The following OPCML variants were observed in gnomAD, a reference collection of about 807,000 sequenced individuals.
OPCML encodes opioid binding protein/cell adhesion molecule like.
A neutral mutation model predicts 37.8 loss-of-function variants in OPCML; 13 were observed. That is an observed-to-expected ratio of 0.34 (90% CI 0.22 to 0.55). OPCML has a LOEUF of 0.55. Among genes scored for constraint, OPCML ranks in the 20% least tolerant of loss-of-function variants. OPCML has a pLI of 0.91. For missense variants in OPCML, 341 were observed against 435.6 expected, an observed-to-expected ratio of 0.78 and a Z score of 1.93; for synonymous variants, 176 against 168.8, an observed-to-expected ratio of 1.04 and a Z score of -0.33.
At chr11:132,651,123 C>T (rs1407312513) in intron 3 of OPCML, among the ~76,000 whole-genome samples, 1 of 152,172 alleles carries the variant, frequency 6.6e-6, no homozygotes, top group Non-Finnish European at 1.5e-5. Flanking sequence ...AGGGCCCACC[C>T]TTTTCTGGAG....
chr11:132,882,328 C>T (rs1943250795), intron 2 of OPCML, among the ~76,000 whole-genome samples: 1 of 152,196 alleles, frequency 6.6e-6, no homozygotes. Context: ...AGTACATCAT[C>T]TTTCTGCAAC....
chr11:132,651,248 C>T (rs1941413741), intron 3 of OPCML, among the ~76,000 whole-genome samples: 3 of 152,162 alleles, frequency 2.0e-5, no homozygotes, highest in Admixed American at 6.5e-5. Context: ...TATACCCGGT[C>T]TTGGGTGTTG....
chr11:132,854,182 G>A (rs899694691), intron 2 of OPCML, among the ~76,000 whole-genome samples: 1 of 152,136 alleles, frequency 6.6e-6, no homozygotes, highest in Non-Finnish European at 1.5e-5. Context: ...TTAATACAGG[G>A]ATTTTTTTAA....
intron 1 of OPCML, among the ~76,000 whole-genome samples, chr11:133,155,893 C>A (rs1950055495): frequency 6.6e-6 from 1 of 152,130 alleles, no homozygotes; most frequent in African/African-American, 2.4e-5. Context: ...CATATCCAAA[C>A]TATTAAAAGA....
chr11:132,569,081 G>C (rs1211854202), intron 3 of OPCML, among the ~76,000 whole-genome samples: 1 of 152,212 alleles, frequency 6.6e-6, no homozygotes, highest in African/African-American at 2.4e-5. Context: ...TTCGGCACTC[G>C]CCTGCGGTCG....
chr11:132,898,849 C>G (rs567150594), intron 2 of OPCML, among the ~76,000 whole-genome samples: 15 of 151,752 alleles, frequency 9.9e-5, no homozygotes, highest in Non-Finnish European at 1.8e-4. Context: ...CCCCCCCCAC[C>G]CCCGCAGCCA....
chr11:132,829,690 T>C (rs1940573681), intron 2 of OPCML, among the ~76,000 whole-genome samples: 1 of 152,228 alleles, frequency 6.6e-6, no homozygotes. Context: ...CTGCTTTTAC[T>C]GAGCATATTG....
chr11:132,783,089 G>A (rs1408176780), intron 2 of OPCML, among the ~76,000 whole-genome samples: 2 of 151,866 alleles, frequency 1.3e-5, no homozygotes, highest in Non-Finnish European at 2.9e-5. Context: ...ACCTCTTTGG[G>A]TGAACCTACT....
intron 1 of OPCML, among the ~76,000 whole-genome samples, chr11:133,133,776 G>T (rs1339935073): frequency 6.6e-6 from 1 of 152,066 alleles, no homozygotes; most frequent in African/African-American, 2.4e-5. Flanking sequence ...CCATCCACGA[G>T]TTGCCTGTGC....
chr11:132,698,639 C>T (rs1415327878), intron 2 of OPCML, among the ~76,000 whole-genome samples: 3 of 152,108 alleles, frequency 2.0e-5, no homozygotes, highest in Non-Finnish European at 4.4e-5. Context: ...TAGTTTGATG[C>T]AATTCCATTT....
At chr11:133,095,780 AC>A (rs937014266) in intron 1 of OPCML, among the ~76,000 whole-genome samples, 13 of 151,688 alleles carry the variant, frequency 8.6e-5, no homozygotes, top group South Asian at 4.2e-4. Flanking sequence ...CTTCTCAGAA[AC>A]CATGTAAGTA....
At chr11:133,423,162 T>C (rs1481888351) in intron 1 of OPCML, 1 of 985,292 alleles carries the variant, frequency 1.0e-6, no homozygotes, top group East Asian at 1.1e-4. Context: ...GAATTTATCT[T>C]TACATCTTGA....
chr11:133,428,686 G>A (rs1388844269), intron 1 of OPCML, among the ~76,000 whole-genome samples: 1 of 152,014 alleles, frequency 6.6e-6, no homozygotes, highest in African/African-American at 2.4e-5. Context: ...AAAAGAAAAT[G>A]AGCTTCAATA....
chr11:132,674,745 A>G (rs963452605), intron 2 of OPCML, among the ~76,000 whole-genome samples: 7 of 152,298 alleles, frequency 4.6e-5, no homozygotes, highest in South Asian at 2.1e-4. Context: ...TTAAACCAAC[A>G]CAGAGCTCAC....
intron 1 of OPCML, among the ~76,000 whole-genome samples, chr11:133,308,510 T>C (rs116747231): frequency 0.015 from 2,301 of 152,154 alleles, 64 homozygotes; most frequent in African/African-American, 0.052. Flanking sequence ...TATGGACTCA[T>C]GGGATTTAAA....
At chr11:133,385,259 T>G (rs1467145633) in intron 1 of OPCML, among the ~76,000 whole-genome samples, 1 of 152,214 alleles carries the variant, frequency 6.6e-6, no homozygotes, top group African/African-American at 2.4e-5. Flanking sequence ...CTGCTGGCAC[T>G]GTGACTGCTG....
At chr11:132,476,597 C>T (rs869211981) in intron 4 of OPCML, among the ~76,000 whole-genome samples, 1 of 151,864 alleles carries the variant, frequency 6.6e-6, no homozygotes, top group African/African-American at 2.4e-5. Context: ...AGGACAAAAA[C>T]CCAAACACCG....
intron 2 of OPCML, among the ~76,000 whole-genome samples, chr11:132,924,125 CTA>C (rs1426376671): frequency 1.3e-5 from 1 of 78,564 alleles, no homozygotes; most frequent in Non-Finnish European, 2.8e-5. Context: ...GGAAAAAAAA[CTA>C]TGTGTGTGTG....
intron 1 of OPCML, among the ~76,000 whole-genome samples, chr11:133,133,952 G>A (rs546956032): frequency 1.3e-5 from 2 of 152,158 alleles, no homozygotes; most frequent in East Asian, 1.9e-4. Context: ...AATATCACAC[G>A]GGACAAAGCA....
Sources: allele counts gnomAD v4.1 joint callset (sites outside exome capture counted in the v4.1 genomes callset), GRCh38; gene constraint gnomAD v4.1.1; transcripts MANE v1.5; gene names NCBI Gene and HGNC (gene_info 2026-07-23, HGNC 2026-07-21).